LRRC4C: variants seen among roughly 807,000 people sequenced by gnomAD.
LRRC4C encodes the protein leucine rich repeat containing 4C, also known as leucine-rich repeat-containing protein 4C.
In LRRC4C, 5 loss-of-function variants were observed where a neutral mutation model predicts 33.6. The observed-to-expected ratio is 0.15, with a 90% CI of 0.08 to 0.31. The LOEUF (loss-of-function observed/expected upper bound fraction) is 0.31. LRRC4C is among the 10% of genes least tolerant of loss of function. The pLI, the probability that LRRC4C is intolerant of heterozygous loss-of-function variation, is 1.00. For missense variants in LRRC4C, 560 were observed against 796.7 expected (o/e 0.70, Z 3.58); for synonymous variants, 329 against 302.0 (o/e 1.09, Z -0.93).
chr11:41,128,388 AACCAC>A (rs1256978006), intron 1 of LRRC4C, among the ~76,000 whole-genome samples: 1 of 152,150 alleles, frequency 6.6e-6, no homozygotes, highest in Non-Finnish European at 1.5e-5. Context: ...GTTCATTTTT[AACCAC>A]ACAGGACTGT....
At chr11:40,758,871 A>T (rs1428918912) in intron 2 of LRRC4C, among the ~76,000 whole-genome samples, 4 of 151,886 alleles carry the variant, frequency 2.6e-5, no homozygotes, top group Non-Finnish European at 5.9e-5. Flanking sequence ...CATTCAGGTA[A>T]TCACTTACCC....
intron 2 of LRRC4C, among the ~76,000 whole-genome samples, chr11:40,692,008 C>A (rs1180058619): frequency 6.6e-6 from 1 of 151,966 alleles, no homozygotes; most frequent in Non-Finnish European, 1.5e-5. Context: ...AGTGACCAGA[C>A]CTTTTTCTTT....
At chr11:41,435,167 T>A (rs1425939628) in intron 1 of LRRC4C, among the ~76,000 whole-genome samples, 3 of 152,064 alleles carry the variant, frequency 2.0e-5, no homozygotes. Flanking sequence ...TCACTAAGAG[T>A]AATACAGAGC....
intron 3 of LRRC4C, among the ~76,000 whole-genome samples, chr11:40,502,491 A>T (rs923564269): frequency 1.1e-4 from 16 of 152,176 alleles, no homozygotes; most frequent in African/African-American, 3.9e-4. Flanking sequence ...GGCACTTCTT[A>T]CAGGGTGGCA....
intron 2 of LRRC4C, among the ~76,000 whole-genome samples, chr11:40,795,271 G>A (rs1950778976): frequency 6.6e-6 from 1 of 152,194 alleles, no homozygotes; most frequent in Non-Finnish European, 1.5e-5. Flanking sequence ...GCTCACGCCT[G>A]TAATCCTAGC....
intron 1 of LRRC4C, among the ~76,000 whole-genome samples, chr11:41,072,841 A>C (rs922102093): frequency 3.9e-5 from 6 of 152,196 alleles, no homozygotes; most frequent in Non-Finnish European, 7.3e-5. Context: ...TCATCTTCCC[A>C]AATGATTAAC....
At chr11:40,387,409 T>G (rs571707483) in intron 3 of LRRC4C, among the ~76,000 whole-genome samples, 2 of 152,308 alleles carry the variant, frequency 1.3e-5, no homozygotes, top group South Asian at 4.1e-4. Flanking sequence ...GTAGCAGGAA[T>G]TAGGAAGCAG....
At chr11:41,455,015 G>A (rs923213283) in intron 1 of LRRC4C, among the ~76,000 whole-genome samples, 4 of 151,970 alleles carry the variant, frequency 2.6e-5, no homozygotes, top group African/African-American at 9.7e-5. Flanking sequence ...TTACAGATTA[G>A]ACAGCTAAGG....
At chr11:40,249,302 G>A (rs894433409) in intron 4 of LRRC4C, among the ~76,000 whole-genome samples, 2 of 151,980 alleles carry the variant, frequency 1.3e-5, no homozygotes, top group Non-Finnish European at 2.9e-5. Flanking sequence ...TCGCACTACT[G>A]CACTCCAGCC....
intron 3 of LRRC4C, among the ~76,000 whole-genome samples, chr11:40,415,427 C>T (rs1950292892): frequency 6.6e-6 from 1 of 152,124 alleles, no homozygotes; most frequent in Admixed American, 6.5e-5. Flanking sequence ...GTATGAGTGT[C>T]CACCCTTCCT....
At chr11:40,454,965 T>C (rs150430792) in intron 3 of LRRC4C, among the ~76,000 whole-genome samples, 1 of 152,286 alleles carries the variant, frequency 6.6e-6, no homozygotes, top group African/African-American at 2.4e-5. Context: ...TGGGATGTTA[T>C]TCATTATCCT....
chr11:41,134,280 T>C (rs1039753824), intron 1 of LRRC4C, among the ~76,000 whole-genome samples: 2 of 152,044 alleles, frequency 1.3e-5, no homozygotes, highest in African/African-American at 2.4e-5. Flanking sequence ...TATTTCTTTA[T>C]TTTTGTAGAG....
chr11:41,058,411 C>A (rs1334386493), intron 1 of LRRC4C, among the ~76,000 whole-genome samples: 1 of 152,226 alleles, frequency 6.6e-6, no homozygotes, highest in Non-Finnish European at 1.5e-5. Context: ...CTCACTCATG[C>A]ACCCCTTACT....
intron 5 of LRRC4C, among the ~76,000 whole-genome samples, chr11:40,199,979 T>C (rs1442197767): frequency 2.6e-5 from 4 of 151,868 alleles, no homozygotes; most frequent in Non-Finnish European, 4.4e-5. Flanking sequence ...AACTCGGAAC[T>C]CAGGACCACC....
chr11:40,165,485 T>C, intron 5 of LRRC4C, among the ~76,000 whole-genome samples: 1 of 152,056 alleles, frequency 6.6e-6, no homozygotes, highest in East Asian at 1.9e-4. Flanking sequence ...TAAAAATTAG[T>C]GAGGAGTAGA....
intron 2 of LRRC4C, among the ~76,000 whole-genome samples, chr11:40,892,328 T>G (rs1017605305): frequency 3.3e-5 from 5 of 152,032 alleles, no homozygotes; most frequent in Admixed American, 6.6e-5. Context: ...AACCTAAATG[T>G]CCATTGGCAG....
intron 3 of LRRC4C, among the ~76,000 whole-genome samples, chr11:40,375,597 C>A (rs925756376): frequency 6.6e-6 from 1 of 152,132 alleles, no homozygotes; most frequent in Non-Finnish European, 1.5e-5. Context: ...GAGCCTTGAA[C>A]CGTTCAGCAG....
At chr11:40,727,631 GA>G (rs1947349054) in intron 2 of LRRC4C, among the ~76,000 whole-genome samples, 6 of 152,072 alleles carry the variant, frequency 3.9e-5, no homozygotes, top group Admixed American at 3.9e-4. Context: ...TATAAAATGG[GA>G]GGATATATTC....
At position 40,901,976 on chromosome 11, in the gene LRRC4C, G is replaced by T. The variant is rs574488248; in HGVS notation, c.-407+31659C>A. Among the ~76,000 whole-genome samples the T allele has an allele frequency of 2.8e-5, 4 of 140,824 alleles. No individual in the cohort carries two copies. In the Admixed American group the frequency reaches 2.9e-4, roughly 10 times the overall value. 92.4% of individuals were successfully genotyped at this position (140,824 alleles called of 152,430 possible). On this transcript the variant is annotated intron_variant, in intron 2 of 6. Transcript: ENST00000528697. ...TTTAATAGGTTGATATATAAGAAAA[G>T]ACAATCTCTCTCTCTCTCTCTCTAC...
Sources: allele counts gnomAD v4.1 joint callset (sites outside exome capture counted in the v4.1 genomes callset), GRCh38; gene constraint gnomAD v4.1.1; transcripts MANE v1.5; gene names NCBI Gene and HGNC (gene_info 2026-07-23, HGNC 2026-07-21).